The following GALNT13 variants were observed in gnomAD, a reference collection of about 807,000 sequenced individuals.
GALNT13 encodes the protein UDP-GalNAc:polypeptide N-acetylgalactosaminyltransferase 13.
Under a neutral mutation model 64.2 loss-of-function variants are expected in GALNT13, and 28 were observed. That is an observed-to-expected ratio of 0.44 (90% CI 0.32 to 0.60). The LOEUF is 0.60. Ranked by LOEUF, GALNT13 falls within the 20% of genes least tolerant of loss-of-function variation. GALNT13 has a pLI of 0.05. For synonymous variants in GALNT13, 214 were observed against 224.6 expected (o/e 0.95, Z 0.42); for missense variants, 577 against 669.8 (o/e 0.86, Z 1.53).
At chr2:153,823,652 C>A in the GALNT13 span, among the ~76,000 whole-genome samples, 1 of 152,148 alleles carries the variant, frequency 6.6e-6, no homozygotes, top group Non-Finnish European at 1.5e-5. Flanking sequence ...GTAAGACATA[C>A]CACTGTAAAA....
rs151172396 is a variant in GALNT13 at position 153,928,569 on chromosome 2, C to T, written c.-104-15825C>T. Among the ~76,000 whole-genome samples the T allele has an allele frequency of 3.9e-4, 60 of 151,954 alleles. No homozygotes were observed. In the East Asian group the frequency reaches 4.6e-3, roughly 12 times the overall value. ...GAACAAGCTTGAATCATTGGTTTGC[C>T]GTGTTATAAGATGAACACTGAGCAG... On this transcript the variant is annotated intron_variant, in intron 2 of 12. Coordinates refer to ENST00000392825, the MANE Select transcript of GALNT13 (RefSeq NM_052917.4).
chr2:153,972,466 CT>C (rs754352727), intron 3 of GALNT13, among the ~76,000 whole-genome samples: 2 of 151,914 alleles, frequency 1.3e-5, no homozygotes, highest in African/African-American at 4.8e-5. Context: ...AAATATAATA[CT>C]TTTTTATGGA....
At chr2:154,028,521 C>T (rs1016759208) in intron 3 of GALNT13, among the ~76,000 whole-genome samples, 13 of 152,172 alleles carry the variant, frequency 8.5e-5, no homozygotes, top group Admixed American at 2.0e-4. Context: ...TTGTCCTTCT[C>T]TTCTTCCAAA....
chr2:153,561,756 A>T, the GALNT13 span, among the ~76,000 whole-genome samples: 16 of 151,906 alleles, frequency 1.1e-4, no homozygotes, highest in South Asian at 3.3e-3. Flanking sequence ...TTGTTTTGTT[A>T]TAGACTTTAA....
chr2:154,447,081 T>G (rs1701626068), intron 12 of GALNT13, among the ~76,000 whole-genome samples: 1 of 151,892 alleles, frequency 6.6e-6, no homozygotes, highest in Non-Finnish European at 1.5e-5. Context: ...TAGCCATGTC[T>G]ATATGACAAC....
chr2:153,510,171 A>C, the GALNT13 span, among the ~76,000 whole-genome samples: 3 of 152,186 alleles, frequency 2.0e-5, no homozygotes, highest in Non-Finnish European at 4.4e-5. Flanking sequence ...TTAAGCCACA[A>C]TATTGCAATA....
At chr2:153,993,644 C>T (rs1272408153) in intron 3 of GALNT13, among the ~76,000 whole-genome samples, 5 of 139,024 alleles carry the variant, frequency 3.6e-5, no homozygotes, top group African/African-American at 8.0e-5. Context: ...TGCATTGAGC[C>T]GAGATCGTGC....
intron 12 of GALNT13, 99 bp downstream of exon 12, chr2:154,438,825 T>C: frequency 1.0e-6 from 1 of 956,750 alleles, no homozygotes; most frequent in Non-Finnish European, 1.5e-6. Context: ...TTATCTACAT[T>C]GGCAGAATTA....
At chr2:153,416,094 C>G in the GALNT13 span, among the ~76,000 whole-genome samples, 1 of 152,128 alleles carries the variant, frequency 6.6e-6, no homozygotes, top group Non-Finnish European at 1.5e-5. Flanking sequence ...TACAGTGGCA[C>G]AAAAGCAGTC....
In GALNT13 at chr2:153,947,443, GT is replaced by G. The variant is rs199936366; in HGVS notation, c.142+2816del. Among the ~76,000 whole-genome samples, 714 of 143,344 alleles carry G rather than the reference GT, an allele frequency of 5.0e-3. 8 individuals are homozygous for G. The East Asian group carries it at 0.057, about 11-fold the overall frequency. The allele number at this position is 143,344 out of a possible 152,430, so 94.0% of individuals were successfully genotyped here. ...TTAAAGTAATGATCACTGATGTTGA[GT>G]TTTTTTTTTTTCATATGATTGTTGG... On this transcript the variant is annotated intron_variant, in intron 3 of 12. Coordinates refer to ENST00000392825, the MANE Select transcript of GALNT13 (RefSeq NM_052917.4).
chr2:153,725,239 A>T, the GALNT13 span, among the ~76,000 whole-genome samples: 3 of 149,124 alleles, frequency 2.0e-5, no homozygotes, highest in African/African-American at 7.4e-5. Flanking sequence ...TCTCCCTCAT[A>T]GGTGGGAATT....
the GALNT13 span, among the ~76,000 whole-genome samples, chr2:153,675,985 A>T: frequency 6.6e-6 from 1 of 152,136 alleles, no homozygotes; most frequent in Admixed American, 6.6e-5. Flanking sequence ...TCAGCCCCAA[A>T]GCTAGGAGAA....
chr2:153,223,967 C>G, the GALNT13 span, among the ~76,000 whole-genome samples: 1 of 151,452 alleles, frequency 6.6e-6, no homozygotes. Flanking sequence ...GAGACTCTGT[C>G]TCAAAAAAAT....
chr2:154,318,740 ATC>A (rs1694459264), intron 9 of GALNT13, among the ~76,000 whole-genome samples: 2 of 150,272 alleles, frequency 1.3e-5, no homozygotes, highest in Non-Finnish European at 3.0e-5. Flanking sequence ...AAAAAAAAAA[ATC>A]GTTAGATTAA....
At chr2:153,261,673 C>A in the GALNT13 span, among the ~76,000 whole-genome samples, 1 of 152,132 alleles carries the variant, frequency 6.6e-6, no homozygotes, top group African/African-American at 2.4e-5. Context: ...ACTCCAGTGA[C>A]CATTGCCTGG....
chr2:153,555,693 G>A, the GALNT13 span, among the ~76,000 whole-genome samples: 25,875 of 152,010 alleles, frequency 0.17, 2,309 homozygotes, highest in South Asian at 0.24. Context: ...AAATGTGGCA[G>A]AGTTGAACAT....
the GALNT13 span, among the ~76,000 whole-genome samples, chr2:153,510,517 G>T: frequency 1.3e-5 from 2 of 152,100 alleles, no homozygotes; most frequent in African/African-American, 4.8e-5. Flanking sequence ...AGGAGTGTAG[G>T]CTAAGGAGGT....
At chr2:154,020,278 G>A (rs1346481703) in intron 3 of GALNT13, among the ~76,000 whole-genome samples, 11 of 152,140 alleles carry the variant, frequency 7.2e-5, no homozygotes, top group African/African-American at 9.7e-5. Flanking sequence ...TCGCCACACC[G>A]ACTTCCACAA....
intron 3 of GALNT13, among the ~76,000 whole-genome samples, chr2:154,096,339 A>G (rs1702072123): frequency 6.6e-6 from 1 of 151,942 alleles, no homozygotes; most frequent in African/African-American, 2.4e-5. Context: ...GAGAAGGGAG[A>G]CAAATAGTCT....
Sources: allele counts gnomAD v4.1 joint callset (sites outside exome capture counted in the v4.1 genomes callset), GRCh38; gene constraint gnomAD v4.1.1; transcripts MANE v1.5; gene names NCBI Gene and HGNC (gene_info 2026-07-23, HGNC 2026-07-21).